DHX36: variants seen among roughly 807,000 people sequenced by gnomAD.
The protein encoded by DHX36 is DEAH-box helicase 36.
Under a neutral mutation model 139.0 loss-of-function variants are expected in DHX36, and 50 were observed. The observed-to-expected ratio is 0.36, with a 90% CI of 0.29 to 0.46. DHX36 has a LOEUF of 0.46. Among genes scored for constraint, DHX36 ranks in the 20% least tolerant of loss-of-function variants. DHX36 has a pLI of 1.00. For synonymous variants in DHX36, 425 were observed against 401.9 expected, an observed-to-expected ratio of 1.06 and a Z score of -0.69; for missense variants, 1,024 against 1,211.3, an observed-to-expected ratio of 0.85 and a Z score of 2.29.
chr3:154,309,961 C>T, intron 4 of DHX36, 138 bp from the exon 5 acceptor site: 1 of 651,318 alleles, frequency 1.5e-6, no homozygotes, highest in Non-Finnish European at 2.5e-6. Flanking sequence ...ATATCCAATA[C>T]TGGCAGTTTG....
Position 154,301,105 on chromosome 3 carries a change from G to C in DHX36, c.1240C>G (p.His414Asp). 6.2e-7 allele frequency: 1 copy of C among 1,602,074 alleles called. No individual in the cohort carries two copies. The highest frequency in any genetic ancestry group is 8.5e-7 in the Non-Finnish European group (1 of 1,177,368). Reference sequence around the variant, plus strand: ...AAACCCCTCTTAAACTGGGATCTGTGTTCTTTTTGTTCTGGAACATACCTA... The same window carrying C: ...AAACCCCTCTTAAACTGGGATCTGTCTTCTTTTTGTTCTGGAACATACCTA... ...KIRYVPEQKE[H>D]RSQFKRGFMQ... Residue 414 changes from histidine (H) to aspartate (D), a missense_variant, in exon 10 of 25, where the codon CAC becomes GAC. Coordinates refer to ENST00000496811, the MANE Select transcript of DHX36 (RefSeq NM_020865.3).
chr3:154,291,770 A>G (rs1030268854), intron 15 of DHX36, among the ~76,000 whole-genome samples: 2 of 152,178 alleles, frequency 1.3e-5, no homozygotes, highest in Non-Finnish European at 1.5e-5. Context: ...TTCTATCTGT[A>G]AGAGGCAAAA....
Position 154,284,807 on chromosome 3 carries a change from T to C in DHX36, c.2205+7A>G. On this transcript the variant is annotated splice_region_variant and intron_variant, in intron 18 of 24. Coordinates refer to ENST00000496811, the MANE Select transcript of DHX36 (RefSeq NM_020865.3). The stretch of plus-strand genomic sequence containing the variant: ...AAATAACTCGGTTTTATTTCCATTT[T>C]TCTTACCAGTGGAATGACAAATGGA... 6.2e-7 allele frequency: 1 copy of C among 1,612,774 alleles called. No individual in the cohort carries two copies. Among genetic ancestry groups the C allele is most frequent in the Non-Finnish European group, 8.5e-7 (1 of 1,179,262 alleles).
Position 154,288,852 on chromosome 3 carries a change from GAAAACA to G in DHX36, c.2031+8_2031+13del. 1 of 1,482,274 alleles carries G rather than the reference GAAAACA, an allele frequency of 6.7e-7. No individual in the cohort carries two copies. Among genetic ancestry groups the G allele is most frequent in the Non-Finnish European group, 9.1e-7 (1 of 1,101,302 alleles). 91.8% of individuals were successfully genotyped at this position (1,482,274 alleles called of 1,614,324 possible). A position where few individuals can be genotyped will look rare whatever the true frequency, so the allele number is the denominator to read the frequency against. On this transcript the variant is annotated splice_region_variant and intron_variant, in intron 17 of 24. Coordinates refer to ENST00000496811, the MANE Select transcript of DHX36 (RefSeq NM_020865.3). ...TTCTAAGTTAGAATTAAAAAAACAA[GAAAACA>G]AATTTACCAGCTCCATCAGGTGTCT...
intron 9 of DHX36, 58 bp from the exon 10 acceptor site, chr3:154,301,185 A>G (rs1712261354): frequency 6.8e-6 from 10 of 1,469,366 alleles, no homozygotes; most frequent in Non-Finnish European, 9.1e-6. Flanking sequence ...TTTTAGCTAA[A>G]ATCTGTGACA....
intron 19 of DHX36, 150 bp downstream of exon 19, chr3:154,284,433 A>G: frequency 1.6e-6 from 1 of 621,850 alleles, no homozygotes; most frequent in South Asian, 2.3e-5. Context: ...CACCTGCCTC[A>G]GCCTCCCAAA....
chr3:154,307,087 T>C (rs1412600598), intron 5 of DHX36, among the ~76,000 whole-genome samples: 1 of 152,134 alleles, frequency 6.6e-6, no homozygotes, highest in Non-Finnish European at 1.5e-5. Context: ...AAGTGGTTTA[T>C]TTTTCACCAT....
chr3:154,304,539 T>C (rs1210227158), intron 8 of DHX36, among the ~76,000 whole-genome samples: 2 of 152,182 alleles, frequency 1.3e-5, no homozygotes, highest in Admixed American at 1.3e-4. Flanking sequence ...TATAAAATTA[T>C]GCAAATCTGT....
chr3:154,316,600 C>G (rs1054712648), intron 1 of DHX36, among the ~76,000 whole-genome samples: 1 of 152,020 alleles, frequency 6.6e-6, no homozygotes, highest in South Asian at 2.1e-4. Flanking sequence ...TTACACTAAA[C>G]AGAAGAATAA....
intron 1 of DHX36, among the ~76,000 whole-genome samples, chr3:154,316,512 AGTT>A (rs1712990411): frequency 6.6e-6 from 1 of 152,082 alleles, no homozygotes; most frequent in South Asian, 2.1e-4. Flanking sequence ...AAAATTTCAA[AGTT>A]ATTAAAACTC....
chr3:154,300,969 C>G lies in DHX36; in HGVS notation c.1358+18G>C, dbSNP rs749011129. 5 of 1,609,128 alleles carry G rather than the reference C, an allele frequency of 3.1e-6. No homozygotes were observed. The highest frequency in any genetic ancestry group is 2.5e-6 in the Non-Finnish European group (3 of 1,179,022). Reference sequence around the variant, plus strand: ...TATTTAGCCACTGATTTCTCACCTTCAGACAAAATAAACTTACCTTCTTCG... The same window carrying G: ...TATTTAGCCACTGATTTCTCACCTTGAGACAAAATAAACTTACCTTCTTCG... On this transcript the variant is annotated intron_variant, in intron 10 of 24. Coordinates refer to ENST00000496811, the MANE Select transcript of DHX36 (RefSeq NM_020865.3).
intron 15 of DHX36, among the ~76,000 whole-genome samples, chr3:154,291,892 G>T (rs1711830407): frequency 6.6e-6 from 1 of 152,188 alleles, no homozygotes; most frequent in Non-Finnish European, 1.5e-5. Context: ...GTTCAAGACA[G>T]ATCATTTTTC....
intron 1 of DHX36, among the ~76,000 whole-genome samples, chr3:154,321,503 C>G (rs763961393): frequency 6.6e-5 from 10 of 152,180 alleles, no homozygotes; most frequent in African/African-American, 1.4e-4. Context: ...TCTCTAATAC[C>G]TTAATACTGT....
intron 2 of DHX36, 41 bp downstream of exon 2, chr3:154,315,998 T>C: frequency 6.3e-7 from 1 of 1,585,348 alleles, no homozygotes; most frequent in Non-Finnish European, 8.6e-7. Flanking sequence ...ATTAAAGTGT[T>C]ACTCTTTGCC....
At chr3:154,300,419 T>G (rs1217554837) in intron 11 of DHX36, among the ~76,000 whole-genome samples, 175 bp downstream of exon 11, 1 of 152,268 alleles carries the variant, frequency 6.6e-6, no homozygotes, top group Non-Finnish European at 1.5e-5. Flanking sequence ...GTTTAGTCTT[T>G]TCTTCAAACA....
intron 1 of DHX36, among the ~76,000 whole-genome samples, chr3:154,321,951 T>C (rs897740657): frequency 6.7e-6 from 1 of 149,050 alleles, no homozygotes; most frequent in Non-Finnish European, 1.5e-5. Context: ...AAAGTCTTCA[T>C]TTTGAAAACA....
At chr3:154,299,609 G>A (rs748879434) in intron 12 of DHX36, 4 of 468,316 alleles carry the variant, frequency 8.5e-6, no homozygotes, top group Non-Finnish European at 1.6e-5. Context: ...TTTTGCAGCA[G>A]TAAGTGAAAA....
At chr3:154,322,456 G>C (rs536720356) in intron 1 of DHX36, among the ~76,000 whole-genome samples, 49 of 152,330 alleles carry the variant, frequency 3.2e-4, no homozygotes, top group African/African-American at 1.1e-3. Flanking sequence ...AACAAACAGT[G>C]GCTTGATCTA....
chr3:154,286,181 A>AC lies in DHX36; in HGVS notation c.2032-1195_2032-1194insG, dbSNP rs1177107567. Among the ~76,000 whole-genome samples the AC allele has an allele frequency of 2.2e-3, 315 of 145,822 alleles. 5 individuals carry two copies. The highest frequency in any genetic ancestry group is 0.01 in the Middle Eastern group (3 of 288). On this transcript the variant is annotated intron_variant, in intron 17 of 24. Transcript: ENST00000496811. ...TTCCACACACCAAAAAAAAAAAAAA[A>AC]AAAAAAAAAAACACCAACAAACACT...
Sources: gnomAD v4.1 joint callset for allele counts (sites outside exome capture counted in the v4.1 genomes callset) on GRCh38, gnomAD v4.1.1 for gene constraint, MANE v1.5 for transcripts, NCBI Gene and HGNC (gene_info 2026-07-23, HGNC 2026-07-21) for gene names.